Variants in CROCC observed in about 807,000 individuals in gnomAD.
The protein encoded by CROCC is ciliary rootlet coiled-coil, rootletin, also known as rootletin.
A neutral mutation model predicts 245.2 loss-of-function variants in CROCC; 180 were observed. That is an observed-to-expected ratio of 0.73 (90% CI 0.65 to 0.83). CROCC has a LOEUF of 0.83. Ranked by LOEUF, CROCC falls within the 40% of genes least tolerant of loss-of-function variation. CROCC has a pLI of 0.00. For missense variants in CROCC, 2,688 were observed against 2,779.4 expected (o/e 0.97, Z 0.74); for synonymous variants, 1,205 against 1,241.6 (o/e 0.97, Z 0.62).
At chr1:16,945,998 C>T (rs4083807) in intron 15 of CROCC, among the ~76,000 whole-genome samples, 37 of 152,288 alleles carry the variant, frequency 2.4e-4, no homozygotes, top group African/African-American at 7.2e-4. Context: ...TCCCTAGACC[C>T]TACTCAGGGG....
Position 16,948,485 on chromosome 1 carries a change from G to A in CROCC, c.2669G>A (p.Arg890His), listed in dbSNP as rs199856319. The A allele has an allele frequency of 5.2e-4, 807 of 1,552,960 alleles. No individual in the cohort carries two copies. Among genetic ancestry groups the A allele is most frequent in the Non-Finnish European group, 5.3e-4 (612 of 1,150,088 alleles). ...GCTGTGCAGCTGGTGGCTGCGGAGC[G>A]TGAAGGCAGGACCCTGTCAGAGGAG... ...GLAVQLVAAE[R>H]EGRTLSEEAT... The change falls in exon 18 of 37, where the codon CGT becomes CAT. Residue 890 changes from arginine to histidine, a missense_variant. Physicochemically the swap from Arg to His is conservative, Grantham distance 29 (BLOSUM62 0). Coordinates refer to ENST00000375541, the MANE Select transcript of CROCC (RefSeq NM_014675.5).
At chr1:16,914,216 G>A (rs1336599685) in intron 1 of CROCC, among the ~76,000 whole-genome samples, 1 of 151,972 alleles carries the variant, frequency 6.6e-6, no homozygotes. Flanking sequence ...GCCTGGGGGC[G>A]GGCTGGAGCC....
intron 1 of CROCC, among the ~76,000 whole-genome samples, chr1:16,914,342 C>T (rs1430664584): frequency 1.3e-5 from 2 of 152,226 alleles, no homozygotes; most frequent in African/African-American, 4.8e-5. Context: ...GCCGCCCATC[C>T]TGCCCGGATT....
intron 27 of CROCC, among the ~76,000 whole-genome samples, chr1:16,963,173 A>C (rs2100535455): frequency 6.7e-6 from 1 of 148,960 alleles, no homozygotes; most frequent in East Asian, 2.0e-4. Context: ...ACAAGAGCGA[A>C]ACTCCGTCTC....
At chr1:16,928,527 G>C (rs751794777) in intron 3 of CROCC, among the ~76,000 whole-genome samples, 4 of 152,284 alleles carry the variant, frequency 2.6e-5, no homozygotes, top group African/African-American at 9.6e-5. Context: ...TCTTGGGCCG[G>C]ATGCTGTGGC....
chr1:16,948,221 T>A (rs1424235483), intron 17 of CROCC, 110 bp from the exon 18 acceptor site: 2 of 1,436,632 alleles, frequency 1.4e-6, no homozygotes, highest in African/African-American at 2.9e-5. Flanking sequence ...GACCCTGGGC[T>A]CAAACCCAGG....
chr1:16,972,232 C>T, intron 36 of CROCC, 128 bp from the exon 37 acceptor site: 1 of 778,672 alleles, frequency 1.3e-6, no homozygotes, highest in Non-Finnish European at 2.3e-6. Flanking sequence ...AGGACAGCCC[C>T]TGGCTCTCAG....
At chr1:16,944,374 G>C (rs1489165253) in intron 14 of CROCC, 92 bp downstream of exon 14, 60 of 1,348,032 alleles carry the variant, frequency 4.5e-5, no homozygotes, top group Non-Finnish European at 5.7e-5. Context: ...CACCCACTGG[G>C]TCCTGGGCCT....
Position 16,971,411 on chromosome 1 carries a change from T to C in CROCC, c.5785-54T>C, listed in dbSNP as rs1310239318. On this transcript the variant is annotated intron_variant, in intron 35 of 36. Coordinates refer to ENST00000375541, the MANE Select transcript of CROCC (RefSeq NM_014675.5). Reference sequence around the variant, plus strand: ...GAGGTACCTGACAACCCGTCACACATGCACACACACACTCACACTGGGCCA... The same window carrying C: ...GAGGTACCTGACAACCCGTCACACACGCACACACACACTCACACTGGGCCA... 4.1e-6 allele frequency: 6 copies of C among 1,480,282 alleles called. No homozygotes were observed. In the East Asian group the frequency reaches 1.3e-4, roughly 32 times the overall value. The allele number at this position is 1,480,282 out of a possible 1,614,324, so 91.7% of individuals were successfully genotyped here.
chr1:16,955,619 C>A (rs776032297), intron 24 of CROCC, 69 bp downstream of exon 24: 1 of 1,314,848 alleles, frequency 7.6e-7, no homozygotes, highest in South Asian at 1.5e-5. Context: ...AACTTCACCC[C>A]CAACGTTCTG....
intron 16 of CROCC, 143 bp downstream of exon 16, chr1:16,946,548 C>T: frequency 7.6e-7 from 1 of 1,315,990 alleles, no homozygotes; most frequent in Non-Finnish European, 1.1e-6. Context: ...GGTTCTCTGT[C>T]TGTCTGTCTA....
Position 16,961,080 on chromosome 1 carries a change from C to T in CROCC, c.4355C>T (p.Pro1452Leu). 2 of 1,363,402 alleles carry T rather than the reference C, an allele frequency of 1.5e-6. No individual in the cohort carries two copies. The highest frequency in any genetic ancestry group is 9.4e-7 in the Non-Finnish European group (1 of 1,061,662). The allele number at this position is 1,363,402 out of a possible 1,614,324, so 84.5% of individuals were successfully genotyped here. A position where few individuals can be genotyped will look rare whatever the true frequency, so the allele number is the denominator to read the frequency against. The change falls in exon 27 of 37, where the codon CCA (proline) becomes CTA (leucine). Residue 1452 changes from proline (P) to leucine (L), a missense_variant. By Grantham distance (98) the Pro-to-Leu change is moderately conservative (BLOSUM62 -3). This residue lies in a region of CROCC where 1,218 missense variants were observed against 1,286.3 expected (regional missense o/e 0.95). Coordinates refer to ENST00000375541, the MANE Select transcript of CROCC (RefSeq NM_014675.5). ...CTCGGCCTCGGTCGCGCGCCCAGCC[C>T]AGCCCCGCGGCCAGTGCCCGGTTCC... ...RGLGLGRAPS[P>L]APRPVPGSPA...
chr1:16,948,603 G>T, intron 18 of CROCC, 79 bp downstream of exon 18: 2 of 1,473,086 alleles, frequency 1.4e-6, no homozygotes, highest in Non-Finnish European at 1.8e-6. Context: ...CGCAGGCACG[G>T]GCCCCCAGGG....
intron 3 of CROCC, among the ~76,000 whole-genome samples, chr1:16,928,558 C>A (rs532850553): frequency 6.6e-6 from 1 of 152,160 alleles, no homozygotes; most frequent in East Asian, 1.9e-4. Context: ...AATCCCAGCA[C>A]TTTGGGAGGC....
In CROCC at chr1:16,966,131, C is replaced by A; in HGVS notation, c.4696+12C>A. ...TGAGAGTGAGGAAGGTGAGTCTGAT[C>A]CTCGGGGTCCCTGTTCTCTCTCCTG... is the stretch of plus-strand genomic sequence containing the variant. On this transcript the variant is annotated intron_variant, in intron 29 of 36. Transcript: ENST00000375541. This position sits in a 1 kb window ranked among gnomAD's most constrained non-coding sequence, Gnocchi z 4.8. 6.2e-7 allele frequency: 1 copy of A among 1,603,732 alleles called. No individual in the cohort carries two copies. The highest frequency in any genetic ancestry group is 1.1e-5 in the South Asian group (1 of 89,894).
At chr1:16,935,880 C>T (rs559038402) in intron 8 of CROCC, among the ~76,000 whole-genome samples, 1 of 152,394 alleles carries the variant, frequency 6.6e-6, no homozygotes, top group Non-Finnish European at 1.5e-5. Flanking sequence ...GCCATCTCCT[C>T]TGTGCTGGGG....
rs2076323446 is a variant in CROCC, at chr1:16,961,038, C to T, written c.4313C>T (p.Ser1438Leu). 3.1e-6 allele frequency: 4 copies of T among 1,302,926 alleles called. 1 individual carries two copies. The highest frequency in any genetic ancestry group is 2.9e-4 in the Middle Eastern group (1 of 3,398). 80.7% of individuals were successfully genotyped at this position (1,302,926 alleles called of 1,614,324 possible). Reference protein sequence around the residue: ...AAEAQLGGLRSALRRGLGLGR... With the variant: ...AAEAQLGGLRLALRRGLGLGR... ...GAGGCCCAGCTGGGTGGCCTGCGCT[C>T]GGCTCTGCGCCGGGGCCTCGGCCTC... Residue 1438 changes from serine (S) to leucine (L), a missense_variant, in exon 27 of 37, where the codon TCG becomes TTG. Ser to Leu is a moderately radical substitution (Grantham distance 145, BLOSUM62 -2). Around this residue, in one of 9 missense-constraint regions of CROCC, gnomAD observed 1,218 missense variants for 1,286.3 expected, o/e 0.95. Transcript: ENST00000375541.
chr1:16,965,730 GGAAGGGCTCAACAGCCCCAGCACC>G lies in CROCC; in HGVS notation c.4414_4437del (p.Glu1472_Thr1479del). On this transcript the variant is annotated inframe_deletion, in exon 28 of 37. Transcript: ENST00000375541. ...GTCTTCTTTCTCTTCTAGGAAGCGG[GGAAGGGCTCAACAGCCCCAGCACC>G]TTAGAATGCAGCCCTGGGTCCCAGC... is the stretch of plus-strand genomic sequence containing the variant. 6.2e-7 allele frequency: 1 copy of G among 1,608,730 alleles called. No homozygotes were observed. The highest frequency in any genetic ancestry group is 8.5e-7 in the Non-Finnish European group (1 of 1,175,632).
rs369053292 is a variant in CROCC at position 16,938,533 on chromosome 1, G to A, written c.1374+50G>A. 603 of 1,494,276 alleles carry A rather than the reference G, an allele frequency of 4.0e-4. No individual in the cohort carries two copies. The African/African-American group carries it at 4.3e-3, about 11-fold the overall frequency. 92.6% of individuals were successfully genotyped at this position (1,494,276 alleles called of 1,614,324 possible). The stretch of plus-strand genomic sequence containing the variant: ...ACAGCGCCCTGCCAGGCAGTCCCAG[G>A]CTCCCCCGCCACGTCTTTCGGTGAC... On this transcript the variant is annotated intron_variant, in intron 11 of 36. Transcript: ENST00000375541.
Sources: allele counts gnomAD v4.1 joint callset (sites outside exome capture counted in the v4.1 genomes callset), GRCh38; gene constraint gnomAD v4.1.1; regional missense constraint gnomAD v4.1.1; non-coding constraint Gnocchi (gnomAD v3.1); transcripts MANE v1.5; gene names NCBI Gene and HGNC (gene_info 2026-07-23, HGNC 2026-07-21).